The following CDIN1 variants were observed in gnomAD, a reference collection of about 807,000 sequenced individuals.
CDIN1 encodes the protein CDAN1-interacting nuclease 1.
CDIN1 carries 33 observed loss-of-function variants against 45.3 expected under a neutral mutation model. The observed-to-expected ratio is 0.73, with a 90% CI of 0.55 to 0.97. The LOEUF is 0.97. Ranked by LOEUF, CDIN1 falls within the 50% of genes least tolerant of loss-of-function variation. CDIN1 has a pLI of 0.00. For synonymous variants in CDIN1, 118 were observed against 124.4 expected, an observed-to-expected ratio of 0.95 and a Z score of 0.34; for missense variants, 303 against 339.4, an observed-to-expected ratio of 0.89 and a Z score of 0.84.
intron 5 of CDIN1, among the ~76,000 whole-genome samples, chr15:36,679,439 T>A (rs147012625): frequency 6.6e-6 from 1 of 152,146 alleles, no homozygotes; most frequent in African/African-American, 2.4e-5. Flanking sequence ...ACAAGGATAC[T>A]GAGAGGTGTC....
rs911045498 is a variant in CDIN1, at chr15:36,809,594, T to C, written c.*1141T>C. 2 of 152,152 alleles carry C rather than the reference T, an allele frequency of 1.3e-5. No individual in the cohort carries two copies. The highest frequency in any genetic ancestry group is 2.4e-5 in the African/African-American group (1 of 41,436). The allele number at this position is 152,152 out of a possible 1,614,324, so 9.4% of individuals were successfully genotyped here. On this transcript the variant is annotated 3_prime_UTR_variant, in exon 11 of 11. Coordinates refer to ENST00000566621, the MANE Select transcript of CDIN1 (RefSeq NM_001321759.2). ...AATAATAAACCTATCTTTTGGGAAG[T>C]TGAATATTAATCTGTACCCAAAACG...
intron 10 of CDIN1, among the ~76,000 whole-genome samples, chr15:36,773,745 G>A (rs944069074): frequency 2.6e-5 from 4 of 152,182 alleles, no homozygotes; most frequent in Admixed American, 6.5e-5. Context: ...AGTGTAGGTT[G>A]GGTGAGAGGT....
intron 10 of CDIN1, among the ~76,000 whole-genome samples, chr15:36,715,121 G>A (rs978626817): frequency 8.5e-5 from 13 of 152,144 alleles, no homozygotes; most frequent in Non-Finnish European, 1.8e-4. Context: ...TAGGATAGGA[G>A]GCGAGATGAG....
intron 1 of CDIN1, among the ~76,000 whole-genome samples, chr15:36,599,171 A>G (rs1417830508): frequency 1.3e-5 from 2 of 150,556 alleles, no homozygotes; most frequent in African/African-American, 4.9e-5. Context: ...AGGACTTACT[A>G]TTCTTTCCTG....
At chr15:36,617,885 A>T in intron 1 of CDIN1, 1 of 773,128 alleles carries the variant, frequency 1.3e-6, no homozygotes, top group Non-Finnish European at 2.4e-6. Flanking sequence ...GGGCAAGCCA[A>T]TTATGGCAAG....
chr15:36,631,197 T>G (rs79566251), intron 1 of CDIN1, among the ~76,000 whole-genome samples: 16,485 of 152,192 alleles, frequency 0.11, 951 homozygotes, highest in Middle Eastern at 0.16. Flanking sequence ...ATGGAAAAAA[T>G]GGAAGTCATA....
At chr15:36,637,099 C>T (rs148320300) in intron 1 of CDIN1, among the ~76,000 whole-genome samples, 2 of 152,240 alleles carry the variant, frequency 1.3e-5, no homozygotes, top group East Asian at 3.9e-4. Flanking sequence ...GATAAACATA[C>T]AACTCAGTGG....
intron 1 of CDIN1, among the ~76,000 whole-genome samples, chr15:36,616,540 C>T (rs112557334): frequency 0.12 from 17,533 of 152,030 alleles, 1,048 homozygotes; most frequent in Middle Eastern, 0.14. Flanking sequence ...CCTTGGCTTC[C>T]CAAAGTGCTG....
At chr15:36,645,384 C>G in intron 3 of CDIN1, 97 bp downstream of exon 3, 2 of 1,048,474 alleles carry the variant, frequency 1.9e-6, no homozygotes, top group Non-Finnish European at 1.4e-6. Flanking sequence ...ATGTCATATC[C>G]CAAGACATTG....
At chr15:36,581,898 G>A (rs1260620877) in intron 1 of CDIN1, among the ~76,000 whole-genome samples, 7 of 152,196 alleles carry the variant, frequency 4.6e-5, no homozygotes, top group Non-Finnish European at 8.8e-5. Flanking sequence ...TGTTATCATC[G>A]TGCATTATTC....
intron 1 of CDIN1, chr15:36,613,526 C>T: frequency 6.5e-7 from 1 of 1,536,616 alleles, no homozygotes; most frequent in Non-Finnish European, 8.9e-7. Context: ...GGTTGTGCAG[C>T]AGCAGGCAGA....
In CDIN1 at chr15:36,654,008, G is replaced by A. The variant is rs557266255; in HGVS notation, c.213-90G>A. 92 of 946,358 alleles carry A rather than the reference G, an allele frequency of 9.7e-5. 1 individual carries two copies. The African/African-American group carries it at 1.4e-3, about 15-fold the overall frequency. The allele number at this position is 946,358 out of a possible 1,614,324, so 58.6% of individuals were successfully genotyped here. Reference sequence around the variant, plus strand: ...TAGAGTTGAGCGTGGCATTTGTCCAGGAGAAACATGTATACACACAGGGGA... The same window carrying A: ...TAGAGTTGAGCGTGGCATTTGTCCAAGAGAAACATGTATACACACAGGGGA... On this transcript the variant is annotated intron_variant, in intron 3 of 10. Transcript: ENST00000566621.
At chr15:36,800,899 G>GTATATA (rs1467289662) in intron 10 of CDIN1, among the ~76,000 whole-genome samples, 58 of 25,754 alleles carry the variant, frequency 2.3e-3, no homozygotes, top group African/African-American at 6.4e-3. Context: ...GTGTGTGTGT[G>GTATATA]TGTGTGTGTG....
In CDIN1 at chr15:36,585,356, C is replaced by T. The variant is rs558722923; in HGVS notation, c.101+5395C>T. Among the ~76,000 whole-genome samples, 8 of 152,284 alleles carry T rather than the reference C, an allele frequency of 5.3e-5. No homozygotes were observed. The East Asian group carries it at 9.6e-4, about 18-fold the overall frequency. The stretch of plus-strand genomic sequence containing the variant: ...CTGATGTCCCTTTTCTAGGATCACA[C>T]GTTGGATTTAATTGTAATGTCTTAA... On this transcript the variant is annotated intron_variant, in intron 1 of 10. Transcript: ENST00000566621.
intron 10 of CDIN1, among the ~76,000 whole-genome samples, chr15:36,750,509 A>G (rs2053431397): frequency 6.6e-6 from 1 of 152,106 alleles, no homozygotes; most frequent in Non-Finnish European, 1.5e-5. Flanking sequence ...GCATCCAAGG[A>G]TGGGTTTGAT....
intron 10 of CDIN1, among the ~76,000 whole-genome samples, chr15:36,801,030 T>G (rs903469810): frequency 6.7e-6 from 1 of 149,278 alleles, no homozygotes; most frequent in African/African-American, 2.4e-5. Context: ...AAGGTTTCTG[T>G]ATGTTTTTAT....
At chr15:36,694,261 A>G (rs2042348066) in intron 7 of CDIN1, among the ~76,000 whole-genome samples, 2 of 152,214 alleles carry the variant, frequency 1.3e-5, no homozygotes, top group South Asian at 4.1e-4. Flanking sequence ...ACTTGCATAG[A>G]TGTTTCCTAG....
At chr15:36,651,174 C>G (rs12439053) in intron 3 of CDIN1, among the ~76,000 whole-genome samples, 145,421 of 152,316 alleles carry the variant, frequency 0.95, 69,428 homozygotes, top group East Asian at 1. Flanking sequence ...ATGGAGCCCA[C>G]GTCACCTTAA....
At chr15:36,659,151 G>A (rs1389607574) in intron 5 of CDIN1, among the ~76,000 whole-genome samples, 1 of 152,168 alleles carries the variant, frequency 6.6e-6, no homozygotes, top group Non-Finnish European at 1.5e-5. Context: ...TCTGAAGCAG[G>A]TAGACTGGCC....
Sources: allele counts gnomAD v4.1 joint callset (sites outside exome capture counted in the v4.1 genomes callset), GRCh38; gene constraint gnomAD v4.1.1; transcripts MANE v1.5; gene names NCBI Gene and HGNC (gene_info 2026-07-23, HGNC 2026-07-21).